The following PCDHA3 variants were observed in gnomAD, a reference collection of about 807,000 sequenced individuals.
The protein encoded by PCDHA3 is protocadherin alpha-3.
A neutral mutation model predicts 62.2 loss-of-function variants in PCDHA3; 41 were observed. The observed-to-expected ratio is 0.66, with a 90% CI of 0.51 to 0.86. The LOEUF (loss-of-function observed/expected upper bound fraction) is 0.86. Among genes scored for constraint, PCDHA3 ranks in the 40% least tolerant of loss-of-function variants. The probability of loss-of-function intolerance (pLI) is 0.00; values close to 1 mark genes in which losing one functional copy is unlikely to be tolerated. For synonymous variants in PCDHA3, 640 were observed against 555.4 expected, an observed-to-expected ratio of 1.15 and a Z score of -2.14; for missense variants, 1,304 against 1,241.2, an observed-to-expected ratio of 1.05 and a Z score of -0.76.
intron 1 of PCDHA3, among the ~76,000 whole-genome samples, chr5:140,892,705 T>C (rs1395351366): frequency 6.6e-6 from 1 of 152,210 alleles, no homozygotes; most frequent in Non-Finnish European, 1.5e-5. Flanking sequence ...TCAGGGTAAT[T>C]AGCATATTCA....
intron 1 of PCDHA3, among the ~76,000 whole-genome samples, chr5:140,846,830 A>G (rs965797545): frequency 6.7e-6 from 1 of 149,758 alleles, no homozygotes; most frequent in Admixed American, 6.7e-5. Context: ...AATAAAGAAT[A>G]TGAGTCACAC....
intron 1 of PCDHA3, chr5:140,927,600 C>T (rs1179735453): frequency 1.9e-6 from 3 of 1,614,042 alleles, no homozygotes; most frequent in African/African-American, 1.3e-5. Flanking sequence ...TTGAGCGCTC[C>T]GTATACCGCA....
At chr5:140,892,721 T>A (rs1554185338) in intron 1 of PCDHA3, among the ~76,000 whole-genome samples, 1 of 152,226 alleles carries the variant, frequency 6.6e-6, no homozygotes, top group Admixed American at 6.5e-5. Flanking sequence ...ATTCATAATC[T>A]CAAACATTTA....
rs1554122687 is a variant in PCDHA3 at position 140,803,290 on chromosome 5, T to C, written c.2093T>C (p.Val698Ala). ...GPEAALVDVN[V>A]YLIVAICAVS... Reference sequence around the variant, plus strand: ...GAAGCTGCACTGGTGGATGTCAACGTGTACTTGATCGTCGCCATCTGCGCG... The same window carrying C: ...GAAGCTGCACTGGTGGATGTCAACGCGTACTTGATCGTCGCCATCTGCGCG... Residue 698 changes from valine to alanine, a missense_variant, in exon 1 of 4, where the codon GTG becomes GCG. Coordinates refer to ENST00000522353, the MANE Select transcript of PCDHA3 (RefSeq NM_018906.3). The C allele has an allele frequency of 6.2e-7, 1 of 1,614,038 alleles. No homozygotes were observed. The highest frequency in any genetic ancestry group is 1.1e-5 in the South Asian group (1 of 91,088).
At chr5:140,815,471 C>G (rs1243746743) in intron 1 of PCDHA3, 2 of 152,062 alleles carry the variant, frequency 1.3e-5, no homozygotes, top group East Asian at 3.8e-4. Context: ...ATTATGTTTA[C>G]TTCTCCCCTA....
chr5:140,890,702 A>G (rs552792120), intron 1 of PCDHA3, among the ~76,000 whole-genome samples: 1 of 152,318 alleles, frequency 6.6e-6, no homozygotes, highest in African/African-American at 2.4e-5. Flanking sequence ...GGGACCTTAC[A>G]TTTTTAAAAT....
chr5:140,845,255 G>A (rs1205445149), intron 1 of PCDHA3, among the ~76,000 whole-genome samples: 3 of 149,266 alleles, frequency 2.0e-5, no homozygotes, highest in Non-Finnish European at 4.5e-5. Context: ...TGAATAATAT[G>A]TGTTTTCCTT....
At chr5:140,877,332 C>T (rs2057040352) in intron 1 of PCDHA3, 1 of 1,613,990 alleles carries the variant, frequency 6.2e-7, no homozygotes. Context: ...GCGCGCACAT[C>T]CCGTTCCACG....
intron 1 of PCDHA3, chr5:140,848,337 C>A (rs1402833811): frequency 1.3e-5 from 11 of 873,306 alleles, no homozygotes; most frequent in South Asian, 1.7e-5. Context: ...TGAATCCAGA[C>A]AAATACAGCC....
intron 1 of PCDHA3, among the ~76,000 whole-genome samples, chr5:140,970,591 T>G (rs1159349152): frequency 2.6e-5 from 4 of 152,150 alleles, no homozygotes; most frequent in African/African-American, 9.7e-5. Flanking sequence ...GAGATATGCT[T>G]TGTGATACTT....
Position 140,850,981 on chromosome 5 carries a change from T to C in PCDHA3, c.2394+47390T>C, listed in dbSNP as rs1554145152. ...CCAGGGGCCGTTCAAATAGTTTTATTCATTTTTCTAGAAATCCAGCAGATT... is the reference window on the plus strand; with the variant it reads ...CCAGGGGCCGTTCAAATAGTTTTATCCATTTTTCTAGAAATCCAGCAGATT... On this transcript the variant is annotated intron_variant, in intron 1 of 3. Coordinates refer to ENST00000522353, the MANE Select transcript of PCDHA3 (RefSeq NM_018906.3). 1.3e-5 allele frequency: 19 copies of C among 1,453,220 alleles called. No individual in the cohort carries two copies. In the East Asian group the frequency reaches 4.5e-4, roughly 35 times the overall value. 90.0% of individuals were successfully genotyped at this position (1,453,220 alleles called of 1,614,324 possible). A position where few individuals can be genotyped will look rare whatever the true frequency, so the allele number is the denominator to read the frequency against.
At chr5:140,815,287 C>T (rs1325438151) in intron 1 of PCDHA3, 3 of 152,036 alleles carry the variant, frequency 2.0e-5, no homozygotes, top group African/African-American at 7.2e-5. Flanking sequence ...TTACTGTCTT[C>T]CTTTGTGTTT....
At chr5:140,850,501 T>C (rs2150486644) in intron 1 of PCDHA3, 1 of 1,598,068 alleles carries the variant, frequency 6.3e-7, no homozygotes, top group African/African-American at 1.3e-5. Context: ...CTGGTGTCGC[T>C]GGTGGAGAGC....
intron 1 of PCDHA3, chr5:140,811,156 C>A (rs1183690629): frequency 6.6e-6 from 1 of 152,246 alleles, no homozygotes; most frequent in Non-Finnish European, 1.5e-5. Context: ...TATCCCTCCC[C>A]CAGTCCCCCA....
At chr5:140,964,998 G>C (rs2095868277) in intron 1 of PCDHA3, among the ~76,000 whole-genome samples, 1 of 152,166 alleles carries the variant, frequency 6.6e-6, no homozygotes, top group Admixed American at 6.5e-5. Flanking sequence ...TTTGAATTCT[G>C]GGTGTCAGGA....
chr5:140,832,005 A>G (rs1440445717), intron 1 of PCDHA3, among the ~76,000 whole-genome samples: 2 of 152,164 alleles, frequency 1.3e-5, no homozygotes, highest in African/African-American at 4.8e-5. Context: ...TATTGTTTTC[A>G]TTTTACGTAA....
At position 140,876,586 on chromosome 5, in the gene PCDHA3, A is replaced by C. The variant is rs782256478; in HGVS notation, c.2394+72995A>C. 3 of 1,614,148 alleles carry C rather than the reference A, an allele frequency of 1.9e-6. No individual in the cohort carries two copies. The South Asian group carries it at 3.3e-5, about 18-fold the overall frequency. On this transcript the variant is annotated intron_variant, in intron 1 of 3. Transcript: ENST00000522353. Reference sequence around the variant, plus strand: ...TCAGGTGGGTACCGTCATTGCCCTGATTAGCGTGTCGGATCGTGACTCTGG... The same window carrying C: ...TCAGGTGGGTACCGTCATTGCCCTGCTTAGCGTGTCGGATCGTGACTCTGG...
chr5:140,883,951 C>T (rs782324778), intron 1 of PCDHA3: 7 of 1,613,222 alleles, frequency 4.3e-6, no homozygotes, highest in African/African-American at 2.7e-5. Flanking sequence ...AGAACGACAA[C>T]GCTCCGGCGC....
intron 1 of PCDHA3, among the ~76,000 whole-genome samples, chr5:140,921,440 G>A (rs1026829665): frequency 6.6e-6 from 1 of 152,056 alleles, no homozygotes; most frequent in Non-Finnish European, 1.5e-5. Flanking sequence ...CTTCAATGGT[G>A]TCTGAAAAGG....
Sources: allele counts gnomAD v4.1 joint callset (sites outside exome capture counted in the v4.1 genomes callset), GRCh38; gene constraint gnomAD v4.1.1; transcripts MANE v1.5; gene names NCBI Gene and HGNC (gene_info 2026-07-23, HGNC 2026-07-21).